The following CACNA2D1 variants were observed in gnomAD, a reference collection of about 807,000 sequenced individuals.
CACNA2D1 encodes the protein calcium voltage-gated channel auxiliary subunit alpha2delta 1, also known as voltage-dependent calcium channel subunit alpha-2/delta-1.
A neutral mutation model predicts 171.5 loss-of-function variants in CACNA2D1; 53 were observed. The observed-to-expected ratio is 0.31, with a 90% CI of 0.25 to 0.39. The LOEUF (loss-of-function observed/expected upper bound fraction) is 0.39. Ranked by LOEUF, CACNA2D1 falls within the 10% of genes least tolerant of loss-of-function variation. The pLI is 1.00. For missense variants in CACNA2D1, 903 were observed against 1,299.8 expected (o/e 0.69, Z 4.69); for synonymous variants, 442 against 443.1 (o/e 1.00, Z 0.03).
intron 34 of CACNA2D1, among the ~76,000 whole-genome samples, chr7:81,962,954 T>TATTAC (rs1794317904): frequency 5.3e-5 from 8 of 152,086 alleles, no homozygotes; most frequent in Admixed American, 5.3e-4. Context: ...AATATATTTG[T>TATTAC]AAATATGTAA....
chr7:81,984,444 A>G (rs1484152091), intron 22 of CACNA2D1, among the ~76,000 whole-genome samples, 191 bp downstream of exon 22: 1 of 152,206 alleles, frequency 6.6e-6, no homozygotes, highest in East Asian at 1.9e-4. Context: ...GTACCTGCTC[A>G]TATTCTATCC....
chr7:82,044,436 G>T (rs1804311093), intron 10 of CACNA2D1, among the ~76,000 whole-genome samples: 1 of 152,106 alleles, frequency 6.6e-6, no homozygotes, highest in African/African-American at 2.4e-5. Context: ...GTGCAAAATT[G>T]TTGGCTCAAG....
At chr7:82,279,820 TTA>T (rs1268800853) in intron 3 of CACNA2D1, among the ~76,000 whole-genome samples, 1 of 152,166 alleles carries the variant, frequency 6.6e-6, no homozygotes, top group Non-Finnish European at 1.5e-5. Flanking sequence ...CTCTGTAGCT[TTA>T]GAGTTATTTT....
rs1329377849 is a variant in CACNA2D1 at position 81,948,198 on chromosome 7, AAC to A, written c.*2192_*2193del. 1 of 151,882 alleles carries A rather than the reference AAC, an allele frequency of 6.6e-6. No individual in the cohort carries two copies. The highest frequency in any genetic ancestry group is 2.4e-5 in the African/African-American group (1 of 41,422). 9.4% of individuals were successfully genotyped at this position (151,882 alleles called of 1,614,324 possible). On this transcript the variant is annotated 3_prime_UTR_variant, in exon 39 of 39. Transcript: ENST00000356860. ...TTTTATATTTTGATACCCCCTTCCC[AAC>A]ACTATCATGATTTAAGATAGTCTAG... is the stretch of plus-strand genomic sequence containing the variant.
In CACNA2D1 at chr7:81,950,082, G is replaced by A; in HGVS notation, c.*310C>T. On this transcript the variant is annotated 3_prime_UTR_variant, in exon 39 of 39. Transcript: ENST00000356860. ...TATGGTTCATTAACAATTGTATGGG[G>A]AACCCTTTCACATGTAATCACCAAC... is the stretch of plus-strand genomic sequence containing the variant. The A allele has an allele frequency of 3.0e-6, 1 of 335,206 alleles. No individual in the cohort carries two copies. The highest frequency in any genetic ancestry group is 5.4e-5 in the East Asian group (1 of 18,386). 20.8% of individuals were successfully genotyped at this position (335,206 alleles called of 1,614,324 possible). A position where few individuals can be genotyped will look rare whatever the true frequency, so the allele number is the denominator to read the frequency against.
chr7:82,388,790 A>T (rs999936716), intron 1 of CACNA2D1, among the ~76,000 whole-genome samples: 1 of 152,204 alleles, frequency 6.6e-6, no homozygotes, highest in Non-Finnish European at 1.5e-5. Flanking sequence ...TTTCCAGAAC[A>T]AAATGAAAAG....
At chr7:82,228,371 T>A (rs1392866656) in intron 3 of CACNA2D1, among the ~76,000 whole-genome samples, 1 of 152,122 alleles carries the variant, frequency 6.6e-6, no homozygotes, top group African/African-American at 2.4e-5. Flanking sequence ...TCCTGTCAGG[T>A]CATACCCAAT....
rs1792135273 is a variant in CACNA2D1 at position 81,947,525 on chromosome 7, TA to T, written c.*2866del. On this transcript the variant is annotated 3_prime_UTR_variant, in exon 39 of 39. Coordinates refer to ENST00000356860, the MANE Select transcript of CACNA2D1 (RefSeq NM_000722.4). ...ATGCTGGTTGTTTAAATGAGGAAAATAAAAAGAAATCATTAATGCAAAATTC... is the reference window on the plus strand; with the variant it reads ...ATGCTGGTTGTTTAAATGAGGAAAATAAAAGAAATCATTAATGCAAAATTC... 1 of 152,010 alleles carries T rather than the reference TA, an allele frequency of 6.6e-6. No homozygotes were observed. Among genetic ancestry groups the T allele is most frequent in the African/African-American group, 2.4e-5 (1 of 41,546 alleles). 9.4% of individuals were successfully genotyped at this position (152,010 alleles called of 1,614,324 possible).
chr7:82,261,522 C>T (rs866328165), intron 3 of CACNA2D1, among the ~76,000 whole-genome samples: 15 of 152,208 alleles, frequency 9.9e-5, no homozygotes, highest in Admixed American at 3.9e-4. Flanking sequence ...AACGAGAAGG[C>T]GTGTTGTCTT....
intron 3 of CACNA2D1, among the ~76,000 whole-genome samples, chr7:82,237,415 T>C (rs1205944147): frequency 6.6e-6 from 1 of 151,916 alleles, no homozygotes; most frequent in East Asian, 1.9e-4. Flanking sequence ...AGATATATAC[T>C]TATATCATGT....
At position 82,443,662 on chromosome 7, in the gene CACNA2D1, G is replaced by A; in HGVS notation, c.-203C>T. 7.8e-7 allele frequency: 1 copy of A among 1,275,614 alleles called. No individual in the cohort carries two copies. The highest frequency in any genetic ancestry group is 3.1e-5 in the South Asian group (1 of 31,996). 79.0% of individuals were successfully genotyped at this position (1,275,614 alleles called of 1,614,324 possible). A position where few individuals can be genotyped will look rare whatever the true frequency, so the allele number is the denominator to read the frequency against. ...CGCCGAGGAAGGGGCGGTGGCGGGC[G>A]GACCCACTAGCGTGCGTCGGCTGCT... On this transcript the variant is annotated 5_prime_UTR_variant, in exon 1 of 39. Coordinates refer to ENST00000356860, the MANE Select transcript of CACNA2D1 (RefSeq NM_000722.4).
chr7:81,969,023 T>A, intron 28 of CACNA2D1, 50 bp from the exon 29 acceptor site: 1 of 1,025,196 alleles, frequency 9.8e-7, no homozygotes, highest in South Asian at 1.4e-5. Context: ...TATTGAATAA[T>A]AATATTGATT....
At chr7:81,971,633 T>A in intron 26 of CACNA2D1, 144 bp downstream of exon 26, 1 of 620,642 alleles carries the variant, frequency 1.6e-6, no homozygotes, top group South Asian at 2.0e-5. Flanking sequence ...ATGCAAGTTG[T>A]CAACAACTGT....
At chr7:81,962,578 C>G in intron 34 of CACNA2D1, 83 bp from the exon 35 acceptor site, 1 of 808,588 alleles carries the variant, frequency 1.2e-6, no homozygotes, top group Non-Finnish European at 2.1e-6. Flanking sequence ...AATACTGTTT[C>G]CCTTTATCTT....
intron 3 of CACNA2D1, among the ~76,000 whole-genome samples, chr7:82,187,705 T>A (rs1392912274): frequency 6.6e-6 from 1 of 152,182 alleles, no homozygotes; most frequent in Non-Finnish European, 1.5e-5. Context: ...ACTTTCTATA[T>A]GTAGAGTTTG....
intron 1 of CACNA2D1, among the ~76,000 whole-genome samples, chr7:82,434,346 CTTTTAT>C (rs1230424956): frequency 4.6e-5 from 7 of 152,080 alleles, no homozygotes; most frequent in Non-Finnish European, 8.8e-5. Context: ...TTTTTCTTAA[CTTTTAT>C]TTTTAAGTTG....
intron 3 of CACNA2D1, among the ~76,000 whole-genome samples, chr7:82,189,022 T>C (rs1798035668): frequency 6.6e-6 from 1 of 151,910 alleles, no homozygotes; most frequent in Non-Finnish European, 1.5e-5. Context: ...TACTTGAGTG[T>C]AGAGGGCGGG....
chr7:82,443,259 C>G, intron 1 of CACNA2D1, 106 bp downstream of exon 1: 1 of 1,155,028 alleles, frequency 8.7e-7, no homozygotes, highest in Non-Finnish European at 1.2e-6. Context: ...GCCGCTCGCT[C>G]CCCACCCCCA....
At chr7:81,991,457 G>C (rs894011667) in intron 20 of CACNA2D1, among the ~76,000 whole-genome samples, 18 of 152,130 alleles carry the variant, frequency 1.2e-4, no homozygotes, top group Non-Finnish European at 2.4e-4. Context: ...AATCTTTATA[G>C]TTTATGCCAA....
Sources: gnomAD v4.1 joint callset for allele counts (sites outside exome capture counted in the v4.1 genomes callset) on GRCh38, gnomAD v4.1.1 for gene constraint, MANE v1.5 for transcripts, NCBI Gene and HGNC (gene_info 2026-07-23, HGNC 2026-07-21) for gene names.